Variants in PLAC1 observed in about 807,000 individuals in gnomAD.
PLAC1 encodes the protein placenta-specific protein 1.
For missense variants in PLAC1, 136 were observed against 163.2 expected, an observed-to-expected ratio of 0.83 and a Z score of 0.91; for synonymous variants, 68 against 62.1, an observed-to-expected ratio of 1.09 and a Z score of -0.44.
upstream of PLAC1, among the ~76,000 whole-genome samples, chrX:134,659,803 T>A (rs1447480733): frequency 1.8e-5 from 2 of 112,187 alleles, no homozygotes; most frequent in African/African-American, 6.5e-5. Context: ...ATAACTCATT[T>A]GTAGAACAGC....
At chrX:134,738,459 G>A (rs1400850297) in intron 1 of PLAC1, among the ~76,000 whole-genome samples, 3 of 111,693 alleles carry the variant, frequency 2.7e-5, no homozygotes, top group East Asian at 2.8e-4. Flanking sequence ...GGGTTCAAAC[G>A]GGCTCGTTCC....
intron 2 of PLAC1, among the ~76,000 whole-genome samples, chrX:134,577,196 C>T (rs2077943863): frequency 8.9e-6 from 1 of 112,052 alleles, no homozygotes; most frequent in Admixed American, 9.5e-5. Flanking sequence ...TATTTGATGC[C>T]TACAGGAGAA....
chrX:134,595,497 TTTTTGCTTCACATA>T (rs2078058059), intron 2 of PLAC1, among the ~76,000 whole-genome samples: 1 of 109,759 alleles, frequency 9.1e-6, no homozygotes, highest in Non-Finnish European at 1.9e-5. Context: ...GTTCTATCAG[TTTTTGCTTCACATA>T]TTTTGCTTCA....
At chrX:134,706,714 G>A (rs755200107) in intron 2 of PLAC1, among the ~76,000 whole-genome samples, 29 of 111,122 alleles carry the variant, frequency 2.6e-4, no homozygotes, top group Non-Finnish European at 5.3e-4. Context: ...TCTCAACAAA[G>A]AAAATAGGAG....
At chrX:134,738,538 A>G (rs1055503730) in intron 1 of PLAC1, among the ~76,000 whole-genome samples, 1 of 111,978 alleles carries the variant, frequency 8.9e-6, no homozygotes, top group Non-Finnish European at 1.9e-5. Context: ...GGACCCAGGT[A>G]CCCAGAGAGA....
intron 1 of PLAC1, among the ~76,000 whole-genome samples, chrX:134,746,666 A>C (rs1416997778): frequency 8.9e-6 from 1 of 111,785 alleles, no homozygotes; most frequent in African/African-American, 3.3e-5. Flanking sequence ...AGTCATTGGC[A>C]AAGTTAACTG....
At chrX:134,585,543 G>C (rs2077996102) in intron 2 of PLAC1, among the ~76,000 whole-genome samples, 1 of 110,285 alleles carries the variant, frequency 9.1e-6, no homozygotes, top group African/African-American at 3.3e-5. Flanking sequence ...TATTGTTTAA[G>C]TTAAAAAAAA....
intron 1 of PLAC1, among the ~76,000 whole-genome samples, chrX:134,619,211 T>A (rs2078199089): frequency 8.9e-6 from 1 of 112,373 alleles, no homozygotes; most frequent in Non-Finnish European, 1.9e-5. Context: ...TTAACCCTTT[T>A]GAGAATTTGA....
intron 2 of PLAC1, among the ~76,000 whole-genome samples, chrX:134,717,302 C>G (rs763837212): frequency 1.8e-5 from 2 of 111,650 alleles, no homozygotes; most frequent in Non-Finnish European, 1.9e-5. Context: ...CTCTGTCACC[C>G]AGGCTGGAGG....
chrX:134,750,813 AT>A (rs1341104538), intron 1 of PLAC1, among the ~76,000 whole-genome samples: 4,320 of 17,255 alleles, frequency 0.25, 1,400 homozygotes, highest in Non-Finnish European at 0.28. Flanking sequence ...AAAAAAAAAA[AT>A]ATATATATAT....
intron 2 of PLAC1, among the ~76,000 whole-genome samples, chrX:134,680,530 G>GAACTA (rs2078491218): frequency 2.1e-5 from 2 of 96,100 alleles, no homozygotes; most frequent in East Asian, 3.3e-4. Context: ...AAACTAAACT[G>GAACTA]AACTAAACTA....
intron 1 of PLAC1, among the ~76,000 whole-genome samples, chrX:134,763,860 G>GAAAGAAAGAA (rs1321216252): frequency 5.4e-5 from 5 of 92,358 alleles, no homozygotes; most frequent in African/African-American, 1.6e-4. Context: ...AAGAAAGAAA[G>GAAAGAAAGAA]AGAAAAGAAA....
At chrX:134,594,876 T>C (rs2078055455) in intron 2 of PLAC1, among the ~76,000 whole-genome samples, 1 of 107,737 alleles carries the variant, frequency 9.3e-6, no homozygotes, top group African/African-American at 3.4e-5. Flanking sequence ...TCAACTCTTA[T>C]CTTTATTATT....
intron 2 of PLAC1, among the ~76,000 whole-genome samples, chrX:134,707,474 G>A (rs909873373): frequency 8.9e-6 from 1 of 111,988 alleles, no homozygotes; most frequent in African/African-American, 3.2e-5. Context: ...CCTCTGACAG[G>A]CCAAGAGAAT....
At chrX:134,575,788 T>G (rs2077935816) in intron 2 of PLAC1, among the ~76,000 whole-genome samples, 1 of 102,131 alleles carries the variant, frequency 9.8e-6, no homozygotes, top group African/African-American at 3.5e-5. Flanking sequence ...AAAAAAAAAG[T>G]AGAACAGGGT....
intron 2 of PLAC1, among the ~76,000 whole-genome samples, chrX:134,672,493 G>A (rs766154254): frequency 1.8e-5 from 2 of 112,100 alleles, no homozygotes; most frequent in East Asian, 5.6e-4. Flanking sequence ...TGTGGTAGCT[G>A]TACTAAAATC....
chrX:134,757,504 A>G (rs1315344790), intron 1 of PLAC1, among the ~76,000 whole-genome samples: 2 of 112,611 alleles, frequency 1.8e-5, no homozygotes, highest in African/African-American at 3.2e-5. Flanking sequence ...ATGAAAGACT[A>G]CTAGAGATAT....
chrX:134,566,330 G>A lies in PLAC1; in HGVS notation c.353C>T (p.Pro118Leu). 1 of 1,211,918 alleles carries A rather than the reference G, an allele frequency of 8.3e-7. No homozygotes were observed. Among genetic ancestry groups the A allele is most frequent in the South Asian group, 1.8e-5 (1 of 57,003 alleles). ...KFVIPVSCAA[P>L]QKSPWLTKPC... ...CTTGGTGAGCCATGGGGACTTTTGGGGGGCAGCACATGACACTGGGATCAC... is the reference window on the plus strand; with the variant it reads ...CTTGGTGAGCCATGGGGACTTTTGGAGGGCAGCACATGACACTGGGATCAC... Residue 118 changes from proline (P) to leucine (L), a missense_variant, in exon 3 of 3, where the codon CCC becomes CTC. Pro to Leu is a moderately conservative substitution (Grantham distance 98). Coordinates refer to ENST00000359237, the MANE Select transcript of PLAC1 (RefSeq NM_021796.4).
chrX:134,657,481 G>C (rs1314369270), intron 1 of PLAC1, among the ~76,000 whole-genome samples: 1 of 112,185 alleles, frequency 8.9e-6, no homozygotes, highest in Non-Finnish European at 1.9e-5. Flanking sequence ...TTGAACCCAA[G>C]TTTGTTTAAA....
Sources: gnomAD v4.1 joint callset for allele counts (sites outside exome capture counted in the v4.1 genomes callset) on GRCh38, gnomAD v4.1.1 for gene constraint, MANE v1.5 for transcripts, NCBI Gene and HGNC (gene_info 2026-07-23, HGNC 2026-07-21) for gene names.